Variants in ATP9A observed in about 807,000 individuals in gnomAD.
ATP9A encodes probable phospholipid-transporting ATPase IIA.
In ATP9A, 52 loss-of-function variants were observed where a neutral mutation model predicts 144.1. The observed-to-expected ratio is 0.36, with a 90% confidence interval of 0.29 to 0.45. The LOEUF (loss-of-function observed/expected upper bound fraction) is 0.45, where lower values mean the gene tolerates loss of function less well. Among genes scored for constraint, ATP9A ranks in the 20% least tolerant of loss-of-function variants. The probability of loss-of-function intolerance (pLI) is 1.00; values close to 1 mark genes in which losing one functional copy is unlikely to be tolerated. For synonymous variants in ATP9A, 582 were observed against 557.4 expected, an observed-to-expected ratio of 1.04 and a Z score of -0.62; for missense variants, 947 against 1,392.7, an observed-to-expected ratio of 0.68 and a Z score of 5.09.
chr20:51,618,131 A>G (rs2077210948), intron 21 of ATP9A, among the ~76,000 whole-genome samples: 1 of 151,958 alleles, frequency 6.6e-6, no homozygotes, highest in Non-Finnish European at 1.5e-5. Flanking sequence ...GAGGCAGGAG[A>G]ATCACTTGAA....
In ATP9A at chr20:51,679,051, C is replaced by T. The variant is rs565688508; in HGVS notation, c.800-2843G>A. ...CTAAAAAAAAAAATGAGGCCGGGCA[C>T]GGTGGCTCATGCCTGTAATCCCATC... On this transcript the variant is annotated intron_variant, in intron 9 of 27. Transcript: ENST00000338821. Among the ~76,000 whole-genome samples the T allele has an allele frequency of 3.8e-4, 58 of 152,022 alleles. No homozygotes were observed. The South Asian group carries it at 9.4e-3, about 25-fold the overall frequency.
At chr20:51,747,766 G>A (rs1022199538) in intron 1 of ATP9A, among the ~76,000 whole-genome samples, 6 of 151,982 alleles carry the variant, frequency 3.9e-5, no homozygotes, top group Admixed American at 1.3e-4. Context: ...AGTATGACTC[G>A]TGTGTTGACC....
At chr20:51,737,641 C>T (rs1400392085) in intron 1 of ATP9A, among the ~76,000 whole-genome samples, 1 of 152,194 alleles carries the variant, frequency 6.6e-6, no homozygotes, top group Non-Finnish European at 1.5e-5. Flanking sequence ...AATAAAGTCA[C>T]TTGACTTGTA....
chr20:51,766,632 G>C (rs372567058), intron 1 of ATP9A, among the ~76,000 whole-genome samples: 1 of 152,076 alleles, frequency 6.6e-6, no homozygotes, highest in Admixed American at 6.6e-5. Context: ...ACGAGGTCAG[G>C]AGTTCAAGAC....
At chr20:51,616,791 G>A (rs1210429907) in intron 22 of ATP9A, among the ~76,000 whole-genome samples, 1 of 152,138 alleles carries the variant, frequency 6.6e-6, no homozygotes, top group Non-Finnish European at 1.5e-5. Flanking sequence ...ACCTGCCAAG[G>A]CCTTTTGGTG....
At chr20:51,709,185 A>G (rs1380669913) in intron 4 of ATP9A, among the ~76,000 whole-genome samples, 2 of 152,182 alleles carry the variant, frequency 1.3e-5, no homozygotes, top group Non-Finnish European at 2.9e-5. Context: ...AGATATACCT[A>G]TATGTATATG....
At chr20:51,665,402 TG>T (rs2122780379) in intron 13 of ATP9A, among the ~76,000 whole-genome samples, 1 of 152,296 alleles carries the variant, frequency 6.6e-6, no homozygotes, top group East Asian at 1.9e-4. Context: ...GTTTTTAAAT[TG>T]TATCCCCTTT....
intron 22 of ATP9A, among the ~76,000 whole-genome samples, chr20:51,615,126 T>C (rs1018919544): frequency 1.3e-5 from 2 of 152,046 alleles, no homozygotes; most frequent in Non-Finnish European, 2.9e-5. Context: ...GGTTATGATG[T>C]TACTTTCTTT....
At chr20:51,720,182 T>C (rs894872635) in intron 3 of ATP9A, among the ~76,000 whole-genome samples, 13 of 152,210 alleles carry the variant, frequency 8.5e-5, no homozygotes, top group African/African-American at 1.2e-4. Context: ...AAAGGAACAT[T>C]TGTATATTTC....
chr20:51,629,381 A>C (rs1309570060), intron 15 of ATP9A, among the ~76,000 whole-genome samples: 1 of 152,256 alleles, frequency 6.6e-6, no homozygotes, highest in Non-Finnish European at 1.5e-5. Flanking sequence ...TTTTAGATTT[A>C]CACTTGGGAC....
Position 51,680,225 on chromosome 20 carries a change from TAA to T in ATP9A, c.800-4019_800-4018del, listed in dbSNP as rs11478096. On this transcript the variant is annotated intron_variant, in intron 9 of 27. Transcript: ENST00000338821. ...AGCCTGAGCGACAGTGAGACTGTCT[TAA>T]AAAAAAAAAAAAAAAAAAACTTGTG... Among the ~76,000 whole-genome samples the T allele has an allele frequency of 1.7e-3, 209 of 123,374 alleles. 1 individual carries two copies. The highest frequency in any genetic ancestry group is 7.1e-3 in the East Asian group (30 of 4,234). 80.9% of individuals were successfully genotyped at this position (123,374 alleles called of 152,430 possible).
chr20:51,759,132 C>T (rs1254469781), intron 1 of ATP9A, among the ~76,000 whole-genome samples: 1 of 152,200 alleles, frequency 6.6e-6, no homozygotes, highest in East Asian at 1.9e-4. Context: ...GCAAGTGCAG[C>T]TGGGCGCTGG....
At chr20:51,710,312 G>GA (rs201732582) in intron 4 of ATP9A, among the ~76,000 whole-genome samples, 1 of 149,642 alleles carries the variant, frequency 6.7e-6, no homozygotes, top group East Asian at 2.0e-4. Context: ...TAAAAAAAAA[G>GA]AAAAAAACTT....
chr20:51,609,810 C>A (rs1165679135), intron 24 of ATP9A, among the ~76,000 whole-genome samples: 1 of 152,236 alleles, frequency 6.6e-6, no homozygotes, highest in African/African-American at 2.4e-5. Flanking sequence ...TTGCTCTCCT[C>A]AATCAACTGA....
intron 1 of ATP9A, among the ~76,000 whole-genome samples, chr20:51,731,863 G>C (rs1016810785): frequency 6.6e-6 from 1 of 152,128 alleles, no homozygotes; most frequent in Non-Finnish European, 1.5e-5. Flanking sequence ...ACAGCTGCTA[G>C]TTCCACCAAG....
intron 10 of ATP9A, among the ~76,000 whole-genome samples, chr20:51,675,929 C>A (rs1167801315): frequency 6.8e-6 from 1 of 148,128 alleles, no homozygotes; most frequent in Non-Finnish European, 1.5e-5. Flanking sequence ...TATCCACAAA[C>A]ATGTAACTAC....
chr20:51,698,082 C>T (rs2077578092), intron 4 of ATP9A, among the ~76,000 whole-genome samples: 1 of 152,188 alleles, frequency 6.6e-6, no homozygotes, highest in Non-Finnish European at 1.5e-5. Context: ...GAAGGTAGTT[C>T]CATCTCCAGC....
intron 4 of ATP9A, among the ~76,000 whole-genome samples, chr20:51,703,514 A>C (rs901894182): frequency 1.3e-5 from 2 of 152,220 alleles, no homozygotes; most frequent in African/African-American, 4.8e-5. Context: ...GTCGTCTCTC[A>C]ATCAGAGTTT....
At chr20:51,622,910 G>T (rs1322280605) in intron 18 of ATP9A, among the ~76,000 whole-genome samples, 1 of 152,174 alleles carries the variant, frequency 6.6e-6, no homozygotes, top group Non-Finnish European at 1.5e-5. Context: ...GGAAAGTATA[G>T]GAAAGAAGAT....
Sources: gnomAD v4.1 joint callset for allele counts (sites outside exome capture counted in the v4.1 genomes callset) on GRCh38, gnomAD v4.1.1 for gene constraint, MANE v1.5 for transcripts, NCBI Gene and HGNC (gene_info 2026-07-23, HGNC 2026-07-21) for gene names.